Variants in EPHB1 observed in about 807,000 individuals in gnomAD.
The protein encoded by EPHB1 is ephrin type-B receptor 1.
EPHB1 carries 30 observed loss-of-function variants against 94.4 expected under a neutral mutation model. The ratio of observed to expected loss-of-function variants is 0.32; its 90% CI spans 0.24 to 0.43. EPHB1 has a LOEUF of 0.43. Among genes scored for constraint, EPHB1 ranks in the 20% least tolerant of loss-of-function variants. The probability of loss-of-function intolerance (pLI) is 1.00; values close to 1 mark genes in which losing one functional copy is unlikely to be tolerated. For synonymous variants in EPHB1, 522 were observed against 489.1 expected (o/e 1.07, Z -0.89); for missense variants, 1,055 against 1,308.3 (o/e 0.81, Z 2.99).
intron 9 of EPHB1, among the ~76,000 whole-genome samples, chr3:135,175,896 A>G (rs1399124999): frequency 6.6e-6 from 1 of 152,178 alleles, no homozygotes; most frequent in Non-Finnish European, 1.5e-5. Flanking sequence ...TCACTGTCTG[A>G]TGATTCATTG....
intron 1 of EPHB1, among the ~76,000 whole-genome samples, chr3:134,869,124 T>G (rs2037444119): frequency 6.6e-6 from 1 of 152,164 alleles, no homozygotes; most frequent in African/African-American, 2.4e-5. Context: ...TTGATGATGA[T>G]GATGATTTTG....
chr3:135,074,840 T>C (rs1293266220), intron 3 of EPHB1, among the ~76,000 whole-genome samples: 1 of 152,064 alleles, frequency 6.6e-6, no homozygotes, highest in African/African-American at 2.4e-5. Context: ...GTAAAGGCCA[T>C]GTAAGCAGCA....
intron 13 of EPHB1, among the ~76,000 whole-genome samples, chr3:135,242,374 C>A (rs1295131813): frequency 6.6e-6 from 1 of 152,178 alleles, no homozygotes; most frequent in Non-Finnish European, 1.5e-5. Flanking sequence ...CCCCTCTGTG[C>A]TAGGGTGGAC....
At chr3:134,850,896 C>T (rs1256889352) in intron 1 of EPHB1, among the ~76,000 whole-genome samples, 1 of 152,204 alleles carries the variant, frequency 6.6e-6, no homozygotes, top group Admixed American at 6.5e-5. Context: ...TGGTGCAGAG[C>T]CAGGGGGGCA....
intron 1 of EPHB1, among the ~76,000 whole-genome samples, chr3:134,922,297 C>A (rs1365421675): frequency 6.6e-6 from 1 of 152,208 alleles, no homozygotes; most frequent in Non-Finnish European, 1.5e-5. Flanking sequence ...TTTTATTCAG[C>A]CCCCACTAGA....
At chr3:134,852,333 A>C (rs1409097655) in intron 1 of EPHB1, among the ~76,000 whole-genome samples, 1 of 152,130 alleles carries the variant, frequency 6.6e-6, no homozygotes, top group Non-Finnish European at 1.5e-5. Context: ...ACGGGTTCCG[A>C]AGATGTTATT....
At position 135,228,901 on chromosome 3, in the gene EPHB1, C is replaced by A. The variant is rs558104180; in HGVS notation, c.2347-12247C>A. ...TCTTCTTTCCTTCTTTCCTGTCATC[C>A]AATATGAGGAAAAGGCAGCATGGGA... is the stretch of plus-strand genomic sequence containing the variant. On this transcript the variant is annotated intron_variant, in intron 12 of 15. Transcript: ENST00000398015. Among the ~76,000 whole-genome samples, 5 of 152,224 alleles carry A rather than the reference C, an allele frequency of 3.3e-5. No individual in the cohort carries two copies. In the East Asian group the frequency reaches 9.7e-4, roughly 29 times the overall value.
At position 135,105,547 on chromosome 3, in the gene EPHB1, G is replaced by A. The variant is rs564226682; in HGVS notation, c.806-901G>A. Among the ~76,000 whole-genome samples, 4 of 152,280 alleles carry A rather than the reference G, an allele frequency of 2.6e-5. No homozygotes were observed. The South Asian group carries it at 8.3e-4, about 32-fold the overall frequency. On this transcript the variant is annotated intron_variant, in intron 3 of 15. Coordinates refer to ENST00000398015, the MANE Select transcript of EPHB1 (RefSeq NM_004441.5). ...AGAGACCAGATGTCTGGGCTCAAAA[G>A]TCTTTACAGATGAGACAAAGTTAAG... is the stretch of plus-strand genomic sequence containing the variant.
chr3:134,959,101 A>T (rs1933400446), intron 3 of EPHB1, among the ~76,000 whole-genome samples: 1 of 152,188 alleles, frequency 6.6e-6, no homozygotes, highest in Admixed American at 6.5e-5. Context: ...ATGTATTATC[A>T]AAGATGATGA....
chr3:135,167,517 T>C (rs1941684285), intron 9 of EPHB1, among the ~76,000 whole-genome samples: 1 of 152,216 alleles, frequency 6.6e-6, no homozygotes, highest in African/African-American at 2.4e-5. Context: ...CCTTTAAAAG[T>C]TTTTCTCACT....
intron 12 of EPHB1, among the ~76,000 whole-genome samples, chr3:135,216,633 G>A (rs149871576): frequency 1.4e-5 from 2 of 147,342 alleles, no homozygotes; most frequent in East Asian, 4.1e-4. Context: ...TGAGACATGA[G>A]AATTGCTTGA....
chr3:134,997,023 G>T (rs1486854594), intron 3 of EPHB1, among the ~76,000 whole-genome samples: 1 of 151,942 alleles, frequency 6.6e-6, no homozygotes, highest in Non-Finnish European at 1.5e-5. Context: ...TTGTATAAAT[G>T]GTCATCTGTG....
At chr3:134,906,919 G>A (rs1178427021) in intron 1 of EPHB1, among the ~76,000 whole-genome samples, 1 of 152,228 alleles carries the variant, frequency 6.6e-6, no homozygotes, top group African/African-American at 2.4e-5. Context: ...ATCTCAAACA[G>A]TAGGGCCAAT....
At position 134,915,907 on chromosome 3, in the gene EPHB1, C is replaced by T. The variant is rs537933722; in HGVS notation, c.59-9909C>T. Reference sequence around the variant, plus strand: ...AAAGCTTCCACAGGGTGGGAGGGGACCCGAATGGGTTGCCACTGCTGGCTG... The same window carrying T: ...AAAGCTTCCACAGGGTGGGAGGGGATCCGAATGGGTTGCCACTGCTGGCTG... On this transcript the variant is annotated intron_variant, in intron 1 of 15. Transcript: ENST00000398015. Among the ~76,000 whole-genome samples, 7 of 152,182 alleles carry T rather than the reference C, an allele frequency of 4.6e-5. No individual in the cohort carries two copies. In the South Asian group the frequency reaches 1.5e-3, roughly 32 times the overall value.
Position 135,249,346 on chromosome 3 carries a change from C to T in EPHB1, c.2701C>T (p.Pro901Ser), listed in dbSNP as rs562921626. 4 of 1,612,160 alleles carry T rather than the reference C, an allele frequency of 2.5e-6. No homozygotes were observed. The highest frequency in any genetic ancestry group is 3.4e-6 in the Non-Finnish European group (4 of 1,179,106). Reference sequence around the variant, plus strand: ...TCTCTGTCTCACCAGGCCTTCCCAGCCCCTGCTCGACCGCTCCATCCCAGA... The same window carrying T: ...TCTCTGTCTCACCAGGCCTTCCCAGTCCCTGCTCGACCGCTCCATCCCAGA... ...VATITAVPSQ[P>S]LLDRSIPDFT... Residue 901 changes from proline (P) to serine (S), a missense_variant, in exon 15 of 16, where the codon CCC becomes TCC. Transcript: ENST00000398015.
At chr3:134,918,231 G>C (rs901418077) in intron 1 of EPHB1, among the ~76,000 whole-genome samples, 11 of 152,190 alleles carry the variant, frequency 7.2e-5, no homozygotes, top group Non-Finnish European at 5.9e-5. Flanking sequence ...GAGTCTTTCA[G>C]GTGTGTAGAG....
intron 3 of EPHB1, among the ~76,000 whole-genome samples, chr3:135,083,121 G>A (rs949049914): frequency 1.1e-4 from 16 of 152,162 alleles, no homozygotes; most frequent in African/African-American, 3.9e-4. Flanking sequence ...TATTTGGGAG[G>A]CTGGGACAGG....
At chr3:135,231,066 G>A (rs542958095) in intron 12 of EPHB1, among the ~76,000 whole-genome samples, 7 of 152,276 alleles carry the variant, frequency 4.6e-5, no homozygotes, top group East Asian at 3.9e-4. Flanking sequence ...CTACCCCTGC[G>A]GGATTCCCTG....
intron 3 of EPHB1, among the ~76,000 whole-genome samples, chr3:135,029,666 T>G (rs905491246): frequency 5.3e-5 from 8 of 150,614 alleles, no homozygotes; most frequent in Non-Finnish European, 8.9e-5. Context: ...ATTTTTTCCT[T>G]CATTTCAACT....
Sources: allele counts gnomAD v4.1 joint callset (sites outside exome capture counted in the v4.1 genomes callset), GRCh38; gene constraint gnomAD v4.1.1; transcripts MANE v1.5; gene names NCBI Gene and HGNC (gene_info 2026-07-23, HGNC 2026-07-21).